ZNF217: variants seen among roughly 807,000 people sequenced by gnomAD.
ZNF217 encodes the protein zinc finger protein 217.
In ZNF217, 12 loss-of-function variants were observed where a neutral mutation model predicts 73.3. The observed-to-expected ratio is 0.16, with a 90% CI of 0.10 to 0.27. The LOEUF (loss-of-function observed/expected upper bound fraction) is 0.27. Among genes scored for constraint, ZNF217 ranks in the 10% least tolerant of loss-of-function variants. ZNF217 has a pLI of 1.00. For synonymous variants in ZNF217, 588 were observed against 516.4 expected (o/e 1.14, Z -1.88); for missense variants, 1,195 against 1,327.8 (o/e 0.90, Z 1.55).
chr20:53,577,980 C>T (rs906493033), intron 3 of ZNF217, among the ~76,000 whole-genome samples: 4 of 152,068 alleles, frequency 2.6e-5, no homozygotes, highest in Admixed American at 2.0e-4. Flanking sequence ...GGTGTGGTGG[C>T]AGGTACCTGT....
intron 4 of ZNF217, among the ~76,000 whole-genome samples, chr20:53,572,295 C>T (rs1988045593): frequency 6.6e-6 from 1 of 151,998 alleles, no homozygotes; most frequent in Admixed American, 6.6e-5. Context: ...GTCCCAGCTA[C>T]TCGGGAGGCT....
intron 1 of ZNF217, among the ~76,000 whole-genome samples, chr20:53,592,434 C>G (rs975162538): frequency 2.6e-5 from 4 of 152,008 alleles, no homozygotes; most frequent in African/African-American, 9.7e-5. Flanking sequence ...CTCAGGGCGG[C>G]CCAGATGCCA....
chr20:53,590,633 G>A (rs960939825), intron 1 of ZNF217, among the ~76,000 whole-genome samples: 4 of 152,106 alleles, frequency 2.6e-5, no homozygotes, highest in African/African-American at 9.7e-5. Flanking sequence ...TGGGAAAACA[G>A]CACATCTTTT....
At chr20:53,570,689 T>A (rs142903184) in intron 5 of ZNF217, among the ~76,000 whole-genome samples, 1 of 152,314 alleles carries the variant, frequency 6.6e-6, no homozygotes, top group East Asian at 1.9e-4. Context: ...ACCTTTAACA[T>A]GTGAACCACA....
At chr20:53,588,677 T>C (rs1682483601) in intron 1 of ZNF217, among the ~76,000 whole-genome samples, 1 of 151,868 alleles carries the variant, frequency 6.6e-6, no homozygotes, top group Non-Finnish European at 1.5e-5. Flanking sequence ...CCATACCACT[T>C]CTTCCAATGA....
intron 5 of ZNF217, among the ~76,000 whole-genome samples, chr20:53,571,077 G>A (rs1420006992): frequency 6.6e-6 from 1 of 152,112 alleles, no homozygotes. Flanking sequence ...GTAACAGATG[G>A]GCATGATCAT....
chr20:53,584,261 G>A (rs192669047), intron 1 of ZNF217, among the ~76,000 whole-genome samples: 21 of 152,292 alleles, frequency 1.4e-4, no homozygotes, highest in Admixed American at 1.4e-3. Context: ...CAAAAGGCAT[G>A]CAAACTACTC....
chr20:53,583,292 C>CTTTTAATTGCTTCACTTT (rs1368428745), intron 1 of ZNF217, 124 bp from the exon 2 acceptor site: 2 of 396,172 alleles, frequency 5.0e-6, no homozygotes, highest in Non-Finnish European at 8.9e-6. Flanking sequence ...TCACTTTTAA[C>CTTTTAATTGCTTCACTTT]TAATATATAG....
rs530980493 is a variant in ZNF217 at position 53,572,225 on chromosome 20, G to C, written c.3038-372C>G. Reference sequence around the variant, plus strand: ...GGGATTTGCCAGCATAGGCAACATGGTGAGACCTCTTCTCTACTAAAAATA... The same window carrying C: ...GGGATTTGCCAGCATAGGCAACATGCTGAGACCTCTTCTCTACTAAAAATA... On this transcript the variant is annotated intron_variant, in intron 4 of 5. Coordinates refer to ENST00000371471, the MANE Select transcript of ZNF217 (RefSeq NM_006526.3). Among the ~76,000 whole-genome samples, 4 of 152,272 alleles carry C rather than the reference G, an allele frequency of 2.6e-5. No homozygotes were observed. In the South Asian group the frequency reaches 8.3e-4, roughly 32 times the overall value.
chr20:53,577,609 T>C lies in ZNF217; in HGVS notation c.1484-329A>G, dbSNP rs149135596. 1.1e-4 allele frequency among the ~76,000 whole-genome samples: 17 copies of C among 152,282 alleles called. No individual in the cohort carries two copies. The East Asian group carries it at 1.7e-3, about 16-fold the overall frequency. On this transcript the variant is annotated intron_variant, in intron 3 of 5. Coordinates refer to ENST00000371471, the MANE Select transcript of ZNF217 (RefSeq NM_006526.3). Reference sequence around the variant, plus strand: ...AATAACTTGCCCAAGGGTGCACAGATAGTAAGTGGAAGAGATGAAATTTCA... The same window carrying C: ...AATAACTTGCCCAAGGGTGCACAGACAGTAAGTGGAAGAGATGAAATTTCA...
At chr20:53,592,461 C>T (rs1458858271) in intron 1 of ZNF217, among the ~76,000 whole-genome samples, 3 of 152,032 alleles carry the variant, frequency 2.0e-5, no homozygotes, top group Non-Finnish European at 4.4e-5. Flanking sequence ...CAGAAGTGGC[C>T]TTTTCTAGCT....
intron 4 of ZNF217, chr20:53,575,168 TC>T (rs1988200666): frequency 6.6e-6 from 1 of 152,094 alleles, no homozygotes; most frequent in Admixed American, 6.6e-5. Context: ...ACAAAGCAAA[TC>T]CCTGTCTCTA....
rs1727218464 is a variant in ZNF217 at position 53,584,067 on chromosome 20, C to T, written c.-342-899G>A. Reference sequence around the variant, plus strand: ...ATCTACCTTTCACATCATGCACTGGCCAGGTGGAAAATTACTTTATTTAGC... The same window carrying T: ...ATCTACCTTTCACATCATGCACTGGTCAGGTGGAAAATTACTTTATTTAGC... On this transcript the variant is annotated intron_variant, in intron 1 of 5. Coordinates refer to ENST00000371471, the MANE Select transcript of ZNF217 (RefSeq NM_006526.3). Among the ~76,000 whole-genome samples, 2 of 152,186 alleles carry T rather than the reference C, an allele frequency of 1.3e-5. 1 individual carries two copies. The highest frequency in any genetic ancestry group is 4.1e-4 in the South Asian group (2 of 4,832).
intron 1 of ZNF217, among the ~76,000 whole-genome samples, chr20:53,589,933 G>A (rs888830218): frequency 1.4e-5 from 2 of 144,460 alleles, no homozygotes; most frequent in African/African-American, 5.2e-5. Flanking sequence ...GAGGTGTGCG[G>A]ATCAAGACCC....
chr20:53,576,937 G>A lies in ZNF217; in HGVS notation c.1827C>T (p.Asp609=), dbSNP rs764565530. 6.2e-7 allele frequency: 1 copy of A among 1,614,036 alleles called. No individual in the cohort carries two copies. Among genetic ancestry groups the A allele is most frequent in the Non-Finnish European group, 8.5e-7 (1 of 1,180,036 alleles). ...TQDFHKNAAD[D]SADKVNKNPT... The stretch of plus-strand genomic sequence containing the variant: ...GGTTTTTATTCACTTTATCAGCACT[G>A]TCATCAGCTGCATTTTTATGGAAAT... Residue 609 remains aspartate, a synonymous_variant, in exon 4 of 6, where the codon GAC becomes GAT. Transcript: ENST00000371471.
intron 4 of ZNF217, chr20:53,572,499 A>G (rs1390279079): frequency 6.6e-6 from 1 of 152,144 alleles, no homozygotes; most frequent in African/African-American, 2.4e-5. Flanking sequence ...GTTTTGATTC[A>G]TGTCCATTTT....
intron 1 of ZNF217, among the ~76,000 whole-genome samples, chr20:53,586,745 T>A (rs1171618669): frequency 1.3e-5 from 2 of 152,216 alleles, no homozygotes; most frequent in African/African-American, 4.8e-5. Context: ...AATTCTAATC[T>A]ACTAACAGCA....
intron 1 of ZNF217, among the ~76,000 whole-genome samples, chr20:53,593,279 T>C (rs1988947493): frequency 6.6e-6 from 1 of 152,016 alleles, no homozygotes; most frequent in African/African-American, 2.4e-5. Context: ...GGACGCATTG[T>C]TTTGGCCGCT....
chr20:53,571,593 A>G, intron 5 of ZNF217, 128 bp downstream of exon 5: 2 of 1,198,882 alleles, frequency 1.7e-6, no homozygotes, highest in Non-Finnish European at 1.1e-6. Flanking sequence ...TTTAGTACAG[A>G]CAGGGGTTTC....
Sources: allele counts gnomAD v4.1 joint callset (sites outside exome capture counted in the v4.1 genomes callset), GRCh38; gene constraint gnomAD v4.1.1; transcripts MANE v1.5; gene names NCBI Gene and HGNC (gene_info 2026-07-23, HGNC 2026-07-21).